The following CASC3 variants were observed in gnomAD, a reference collection of about 807,000 sequenced individuals.
CASC3 encodes the protein protein CASC3.
In CASC3, 30 loss-of-function variants were observed where a neutral mutation model predicts 80.5. The observed-to-expected ratio is 0.37, with a 90% confidence interval of 0.28 to 0.51. CASC3 has a LOEUF of 0.51. Ranked by LOEUF, CASC3 falls within the 20% of genes least tolerant of loss-of-function variation. The pLI is 0.94. For synonymous variants in CASC3, 312 were observed against 333.6 expected (o/e 0.94, Z 0.70); for missense variants, 824 against 922.2 (o/e 0.89, Z 1.38).
chr17:40,155,414 G>T (rs1318010547), intron 3 of CASC3, among the ~76,000 whole-genome samples: 1 of 152,066 alleles, frequency 6.6e-6, no homozygotes, highest in East Asian at 1.9e-4. Context: ...GAGCCACCAC[G>T]CTCAGCTAAT....
Position 40,172,031 on chromosome 17 carries a change from A to G in CASC3, c.*1626A>G, listed in dbSNP as rs1341896308. ...GATTCCCAGACCTTAAGACACTGTGAGAGTTGTCTCTGTTGGTCCACTGTG... is the reference window on the plus strand; with the variant it reads ...GATTCCCAGACCTTAAGACACTGTGGGAGTTGTCTCTGTTGGTCCACTGTG... On this transcript the variant is annotated 3_prime_UTR_variant, in exon 14 of 14. Transcript: ENST00000264645. 2.3e-6 allele frequency: 3 copies of G among 1,289,866 alleles called. No homozygotes were observed. The highest frequency in any genetic ancestry group is 3.0e-6 in the Non-Finnish European group (3 of 988,888). The allele number at this position is 1,289,866 out of a possible 1,614,324, so 79.9% of individuals were successfully genotyped here.
intron 3 of CASC3, among the ~76,000 whole-genome samples, chr17:40,146,964 T>C (rs1988877827): frequency 6.6e-6 from 1 of 152,164 alleles, no homozygotes; most frequent in Admixed American, 6.6e-5. Context: ...CCATCATACA[T>C]CAGGGACCGT....
chr17:40,169,704 T>A, intron 13 of CASC3, 42 bp downstream of exon 13: 1 of 553,496 alleles, frequency 1.8e-6, no homozygotes, highest in Non-Finnish European at 3.0e-6. Flanking sequence ...AAACTAATGC[T>A]CACACTTGCT....
chr17:40,141,951 A>T (rs769797170), intron 3 of CASC3, among the ~76,000 whole-genome samples: 5 of 152,126 alleles, frequency 3.3e-5, no homozygotes, highest in Non-Finnish European at 7.4e-5. Flanking sequence ...CCAATTGGTT[A>T]TTTTTTTCCA....
intron 7 of CASC3, among the ~76,000 whole-genome samples, chr17:40,164,776 GA>G (rs1989404798): frequency 2.8e-5 from 1 of 35,574 alleles, no homozygotes; most frequent in Non-Finnish European, 4.4e-5. Flanking sequence ...TTTTTTTTGT[GA>G]CAGAGACTTG....
intron 3 of CASC3, among the ~76,000 whole-genome samples, chr17:40,149,221 C>T (rs1988935035): frequency 6.6e-6 from 1 of 151,806 alleles, no homozygotes. Context: ...AGCTCTCATT[C>T]CATGTGGAGA....
chr17:40,141,113 G>A, intron 1 of CASC3, 94 bp from the exon 2 acceptor site: 1 of 1,170,786 alleles, frequency 8.5e-7, no homozygotes, highest in Non-Finnish European at 1.3e-6. Flanking sequence ...CAACCATTTT[G>A]TGCTGAATCT....
Position 40,170,655 on chromosome 17 carries a change from G to C in CASC3, c.*250G>C. On this transcript the variant is annotated 3_prime_UTR_variant, in exon 14 of 14. Transcript: ENST00000264645. ...ACTTGAGTTGGCTGTGTTCGGGGGA[G>C]CAGAGAGAGCCAGACAGCCCCAAGC... 1.0e-6 allele frequency: 1 copy of C among 985,542 alleles called. No homozygotes were observed. The highest frequency in any genetic ancestry group is 1.2e-6 in the Non-Finnish European group (1 of 829,948). 61.0% of individuals were successfully genotyped at this position (985,542 alleles called of 1,614,324 possible).
chr17:40,168,216 C>T lies in CASC3; in HGVS notation c.1764C>T (p.His588=), dbSNP rs1989501330. The T allele has an allele frequency of 6.2e-7, 1 of 1,614,074 alleles. No homozygotes were observed. Among genetic ancestry groups the T allele is most frequent in the Non-Finnish European group, 8.5e-7 (1 of 1,179,938 alleles). ...MNLPHPGLHP[H]QTPAPLPNPG... ...CTCCTTATCCAGGTTTACATCCCCACCAGACACCAGCTCCTCTGCCCAATC... is the reference window on the plus strand; with the variant it reads ...CTCCTTATCCAGGTTTACATCCCCATCAGACACCAGCTCCTCTGCCCAATC... The change falls in exon 11 of 14, where the codon CAC becomes CAT. Residue 588 remains histidine, a synonymous_variant. Transcript: ENST00000264645.
At chr17:40,145,796 G>T (rs1451110440) in intron 3 of CASC3, among the ~76,000 whole-genome samples, 1 of 151,202 alleles carries the variant, frequency 6.6e-6, no homozygotes, top group East Asian at 1.9e-4. Context: ...TTGTTTGTTT[G>T]TTTTTTTAAT....
rs1210806958 is a variant in CASC3 at position 40,140,634 on chromosome 17, C to G, written c.86C>G (p.Pro29Arg). 6.2e-7 allele frequency: 1 copy of G among 1,608,664 alleles called. No homozygotes were observed. The highest frequency in any genetic ancestry group is 1.3e-5 in the African/African-American group (1 of 74,906). Residue 29 changes from proline (P) to arginine (R), a missense_variant, in exon 1 of 14, where the codon CCG (proline) becomes CGG (arginine). Physicochemically the swap from Pro to Arg is moderately radical, Grantham distance 103 (BLOSUM62 -2). Around this residue, in one of 3 missense-constraint regions of CASC3, gnomAD observed 159 missense variants for 122.2 expected, o/e 1.30. Coordinates refer to ENST00000264645, the MANE Select transcript of CASC3 (RefSeq NM_007359.5). ...GASGSDSGGS[P>R]LRGGGSCSGS... ...TCGGGCTCCGACAGCGGCGGCTCCCCGTTGCGGGGAGGCGGGAGCTGCAGC... is the reference window on the plus strand; with the variant it reads ...TCGGGCTCCGACAGCGGCGGCTCCCGGTTGCGGGGAGGCGGGAGCTGCAGC...
At chr17:40,161,371 A>G (rs1299431495) in intron 3 of CASC3, among the ~76,000 whole-genome samples, 1 of 152,186 alleles carries the variant, frequency 6.6e-6, no homozygotes, top group African/African-American at 2.4e-5. Flanking sequence ...TGATAAATGT[A>G]TTCCTAAAGA....
rs181001119 is a variant in CASC3 at position 40,165,254 on chromosome 17, G to A, written c.1471+1088G>A. On this transcript the variant is annotated intron_variant, in intron 7 of 13. Transcript: ENST00000264645. ...TAATTTTTGTATTTTTCATAGAGAT[G>A]GGGTTTCATTATGTTGGCCAGGCTG... is the stretch of plus-strand genomic sequence containing the variant. Among the ~76,000 whole-genome samples, 5 of 151,376 alleles carry A rather than the reference G, an allele frequency of 3.3e-5. No individual in the cohort carries two copies. In the East Asian group the frequency reaches 7.8e-4, roughly 24 times the overall value.
At chr17:40,168,957 A>C in intron 11 of CASC3, 2 of 200,040 alleles carry the variant, frequency 1.0e-5, no homozygotes, top group Non-Finnish European at 2.0e-5. Flanking sequence ...CCTGGTTTTT[A>C]CTCTATTGCA....
At chr17:40,167,214 C>T (rs1406466779) in intron 8 of CASC3, 1 of 519,214 alleles carries the variant, frequency 1.9e-6, no homozygotes, top group Non-Finnish European at 3.4e-6. Flanking sequence ...CCACCCTGGC[C>T]TCCCAAAGTA....
At chr17:40,169,229 C>A in intron 11 of CASC3, 95 bp from the exon 12 acceptor site, 1 of 1,242,414 alleles carries the variant, frequency 8.0e-7, no homozygotes. Flanking sequence ...TTATAAATTC[C>A]CCAATTCTCT....
At position 40,167,608 on chromosome 17, in the gene CASC3, T is replaced by C. The variant is rs371078994; in HGVS notation, c.1647T>C (p.Asp549=). Residue 549 remains aspartate, a synonymous_variant, in exon 9 of 14, where the codon GAT becomes GAC. Coordinates refer to ENST00000264645, the MANE Select transcript of CASC3 (RefSeq NM_007359.5). ...GTATCATGGAGGGACATTACTATGA[T>C]CCACGTGAGTTTTTTCTTACTGTTG... ...HISIMEGHYY[D]PLQFQGPIYT... 4.8e-5 allele frequency: 77 copies of C among 1,610,816 alleles called. No individual in the cohort carries two copies. Among genetic ancestry groups the C allele is most frequent in the Non-Finnish European group, 5.9e-5 (69 of 1,177,224 alleles).
At chr17:40,143,693 G>T (rs992386452) in intron 3 of CASC3, among the ~76,000 whole-genome samples, 5 of 151,926 alleles carry the variant, frequency 3.3e-5, no homozygotes, top group Non-Finnish European at 7.4e-5. Context: ...AGCTGGGCGT[G>T]CTTGCACGCC....
intron 3 of CASC3, among the ~76,000 whole-genome samples, chr17:40,144,355 T>C (rs1988798119): frequency 6.6e-6 from 1 of 151,694 alleles, no homozygotes; most frequent in African/African-American, 2.4e-5. Flanking sequence ...CTTTTTTTTT[T>C]TTTGCTTGAG....
Sources: gnomAD v4.1 joint callset for allele counts (sites outside exome capture counted in the v4.1 genomes callset) on GRCh38, gnomAD v4.1.1 for gene constraint, gnomAD v4.1.1 regional missense constraint, MANE v1.5 for transcripts, NCBI Gene and HGNC (gene_info 2026-07-23, HGNC 2026-07-21) for gene names.